Variants in SCN4A observed in about 807,000 individuals in gnomAD.
The protein encoded by SCN4A is sodium channel protein type 4 subunit alpha.
Under a neutral mutation model 162.0 loss-of-function variants are expected in SCN4A, and 83 were observed. The observed-to-expected ratio is 0.51, with a 90% CI of 0.43 to 0.61. The LOEUF is 0.61. Among genes scored for constraint, SCN4A ranks in the 20% least tolerant of loss-of-function variants. The pLI is 0.00. For synonymous variants in SCN4A, 944 were observed against 985.1 expected, an observed-to-expected ratio of 0.96 and a Z score of 0.78; for missense variants, 2,196 against 2,462.5, an observed-to-expected ratio of 0.89 and a Z score of 2.29.
Position 63,972,751 on chromosome 17 carries a change from G to T in SCN4A, c.91C>A (p.Arg31=). 1.2e-6 allele frequency: 2 copies of T among 1,613,700 alleles called. No individual in the cohort carries two copies. Among genetic ancestry groups the T allele is most frequent in the Non-Finnish European group, 1.7e-6 (2 of 1,179,800 alleles). The change falls in exon 1 of 24, where the codon CGG becomes AGG. Residue 31 remains arginine (R), a synonymous_variant. Coordinates refer to ENST00000435607, the MANE Select transcript of SCN4A (RefSeq NM_000334.4). This position sits in a 1 kb window ranked among gnomAD's most constrained non-coding sequence, Gnocchi z 4.3. Reference sequence around the variant, plus strand: ...AGCCGGGCCTCCTCCTCCACCGCCCGCTGTTCTATGGCTGCCAGTGACTCC... The same window carrying T: ...AGCCGGGCCTCCTCCTCCACCGCCCTCTGTTCTATGGCTGCCAGTGACTCC... ...TRESLAAIEQ[R]AVEEEARLQR... is the part of the protein sequence containing the mutation.
chr17:63,947,017 C>T (rs773542695), intron 18 of SCN4A, 28 bp downstream of exon 18: 2 of 1,541,698 alleles, frequency 1.3e-6, no homozygotes, highest in East Asian at 4.6e-5. Flanking sequence ...CATCCCCAGC[C>T]CACCCCAGAG....
Position 63,963,653 on chromosome 17 carries a change from G to A in SCN4A, c.1606+19C>T, listed in dbSNP as rs749007705. 22 of 1,543,770 alleles carry A rather than the reference G, an allele frequency of 1.4e-5. No individual in the cohort carries two copies. The highest frequency in any genetic ancestry group is 7.1e-5 in the East Asian group (3 of 42,462). ...GCTCCACCCCTACCTAAGTGGGCAC[G>A]GGGGCACAAGGCACTCACCTTCCAT... On this transcript the variant is annotated intron_variant, in intron 10 of 23. Transcript: ENST00000435607.
At chr17:63,955,230 T>C (rs1173333034) in intron 13 of SCN4A, among the ~76,000 whole-genome samples, 1 of 152,170 alleles carries the variant, frequency 6.6e-6, no homozygotes, top group African/African-American at 2.4e-5. Flanking sequence ...GAAATAACAT[T>C]ACCTGTCTCA....
chr17:63,968,119 C>G lies in SCN4A; in HGVS notation c.940G>C (p.Gly314Arg), dbSNP rs575390627. 1.2e-6 allele frequency: 2 copies of G among 1,613,716 alleles called. No individual in the cohort carries two copies. Among genetic ancestry groups the G allele is most frequent in the African/African-American group, 2.7e-5 (2 of 74,860 alleles). Reference sequence around the variant, plus strand: ...TCGTTGGCATACCATGAGTCATTGCCGTACCACATCTCATTGCCATACCAT... The same window carrying G: ...TCGTTGGCATACCATGAGTCATTGCGGTACCACATCTCATTGCCATACCAT... ...DTWYGNEMWY[G>R]NDSWYANDTW... Residue 314 changes from glycine (G) to arginine (R), a missense_variant, in exon 6 of 24, where the codon GGC becomes CGC. Coordinates refer to ENST00000435607, the MANE Select transcript of SCN4A (RefSeq NM_000334.4).
chr17:63,959,531 C>G, intron 11 of SCN4A, 93 bp from the exon 12 acceptor site: 1 of 1,233,290 alleles, frequency 8.1e-7, no homozygotes, highest in Non-Finnish European at 1.2e-6. Flanking sequence ...GCAGAGGCTG[C>G]GGGGGCGGAG....
chr17:63,962,416 G>T (rs977854459), intron 10 of SCN4A, among the ~76,000 whole-genome samples: 5 of 152,196 alleles, frequency 3.3e-5, no homozygotes, highest in Non-Finnish European at 7.4e-5. Context: ...TGTAAGGACC[G>T]TGGGACAAAG....
intron 10 of SCN4A, 103 bp downstream of exon 10, chr17:63,963,569 G>A: frequency 7.8e-7 from 1 of 1,289,150 alleles, no homozygotes; most frequent in Non-Finnish European, 1.0e-6. Flanking sequence ...ATGGGTAGAG[G>A]GGGCACAGGG....
chr17:63,959,476 G>A, intron 11 of SCN4A, 38 bp from the exon 12 acceptor site: 1 of 1,596,048 alleles, frequency 6.3e-7, no homozygotes, highest in Non-Finnish European at 8.5e-7. Flanking sequence ...AGAGCCTCGG[G>A]GAGCCCAGGG....
intron 10 of SCN4A, chr17:63,961,643 A>C: frequency 2.6e-6 from 1 of 380,252 alleles, no homozygotes; most frequent in Non-Finnish European, 5.0e-6. Context: ...CTTCACCCCA[A>C]AGCCCCGCGC....
chr17:63,948,070 G>A lies in SCN4A; in HGVS notation c.3145-7C>T, dbSNP rs766802658. The A allele has an allele frequency of 1.6e-5, 25 of 1,589,772 alleles. No homozygotes were observed. The South Asian group carries it at 2.3e-4, about 15-fold the overall frequency. On this transcript the variant is annotated splice_region_variant and splice_polypyrimidine_tract_variant and intron_variant, in intron 16 of 23. Coordinates refer to ENST00000435607, the MANE Select transcript of SCN4A (RefSeq NM_000334.4). ...TGTAGATGTCCTCGAAGGCCTGGGG[G>A]CACCAGCACCACCAGGGTGGCTGGG... is the stretch of plus-strand genomic sequence containing the variant.
At chr17:63,949,111 G>A (rs1487211012) in intron 15 of SCN4A, among the ~76,000 whole-genome samples, 1 of 152,158 alleles carries the variant, frequency 6.6e-6, no homozygotes, top group Non-Finnish European at 1.5e-5. Flanking sequence ...TTTCTCCAGT[G>A]CCATGTCCTG....
In SCN4A at chr17:63,962,205, A is replaced by C. The variant is rs1909287828; in HGVS notation, c.1607-774T>G. Among the ~76,000 whole-genome samples the C allele has an allele frequency of 2.6e-5, 4 of 152,138 alleles. No individual in the cohort carries two copies. In the South Asian group the frequency reaches 8.3e-4, roughly 32 times the overall value. On this transcript the variant is annotated intron_variant, in intron 10 of 23. Transcript: ENST00000435607. ...TGTCTGGGTCCGAGTTCCCAGGGAG[A>C]GGCGGGAGGCCACTGCAGGGGCTTG...
rs1332443652 is a variant in SCN4A, at chr17:63,945,088, C to T, written c.3721-28G>A. On this transcript the variant is annotated intron_variant, in intron 19 of 23. Transcript: ENST00000435607. The surrounding 1 kb of genome is among the most constrained non-coding windows in gnomAD (Gnocchi z 4.4). ...GAGAGAGTGTGGTTGGGGAGTGAGC[C>T]GGGGGGCTGCTCCCTGCTTTCATCA... is the stretch of plus-strand genomic sequence containing the variant. The T allele has an allele frequency of 6.0e-5, 96 of 1,605,464 alleles. No homozygotes were observed. Among genetic ancestry groups the T allele is most frequent in the Non-Finnish European group, 7.1e-5 (83 of 1,174,616 alleles).
chr17:63,942,464 G>A (rs1391783787), intron 23 of SCN4A, among the ~76,000 whole-genome samples: 3 of 152,178 alleles, frequency 2.0e-5, no homozygotes, highest in Non-Finnish European at 2.9e-5. Flanking sequence ...CCTGTCAAGC[G>A]CACAGCACAG....
chr17:63,949,975 C>G (rs745370612), intron 14 of SCN4A, among the ~76,000 whole-genome samples: 1 of 152,272 alleles, frequency 6.6e-6, no homozygotes, highest in African/African-American at 2.4e-5. Context: ...CCTTCCCACC[C>G]GCAGGGTCTG....
rs746724521 is a variant in SCN4A at position 63,971,856 on chromosome 17, G to C, written c.483-6C>G. ...AGATCCCTGTGAAGGTGTACCTGGG[G>C]GGGAGAGGGCCGGCCGGGACAGGCA... On this transcript the variant is annotated splice_polypyrimidine_tract_variant and splice_region_variant and intron_variant, in intron 3 of 23. Coordinates refer to ENST00000435607, the MANE Select transcript of SCN4A (RefSeq NM_000334.4). The C allele has an allele frequency of 4.6e-6, 7 of 1,526,944 alleles. No homozygotes were observed. In the African/African-American group the frequency reaches 7.8e-5, roughly 17 times the overall value. The allele number at this position is 1,526,944 out of a possible 1,614,324, so 94.6% of individuals were successfully genotyped here. A position where few individuals can be genotyped will look rare whatever the true frequency, so the allele number is the denominator to read the frequency against.
Position 63,948,666 on chromosome 17 carries a change from TG to T in SCN4A, c.3088del (p.His1030ThrfsTer11). The T allele has an allele frequency of 6.2e-7, 1 of 1,613,906 alleles. No individual in the cohort carries two copies. Among genetic ancestry groups the T allele is most frequent in the Non-Finnish European group, 8.5e-7 (1 of 1,179,876 alleles). ...GACAATGAAGGTCTCGAACCAGTTG[TG>T]CTCGACAATCTTGAAGCAGGCCCTG... is the stretch of plus-strand genomic sequence containing the variant. The part of the protein sequence containing the change: ...LRRACFKIVE[H>X]NWFETFIVFM... On this transcript the variant is annotated frameshift_variant, in exon 16 of 24. Coordinates refer to ENST00000435607, the MANE Select transcript of SCN4A (RefSeq NM_000334.4). LOFTEE classifies it high-confidence loss of function.
chr17:63,953,510 A>C (rs1908977759), intron 13 of SCN4A, among the ~76,000 whole-genome samples: 1 of 150,776 alleles, frequency 6.6e-6, no homozygotes, highest in African/African-American at 2.4e-5. Flanking sequence ...AACATGGTGA[A>C]ACCATGTACT....
chr17:63,946,476 C>CCG (rs1555601591), intron 18 of SCN4A, among the ~76,000 whole-genome samples: 15 of 128,266 alleles, frequency 1.2e-4, no homozygotes, highest in East Asian at 2.4e-4. Context: ...CCCCCCCCAC[C>CCG]CCGCCGCAAC....
Sources: allele counts gnomAD v4.1 joint callset (sites outside exome capture counted in the v4.1 genomes callset), GRCh38; gene constraint gnomAD v4.1.1; non-coding constraint Gnocchi (gnomAD v3.1); transcripts MANE v1.5; gene names NCBI Gene and HGNC (gene_info 2026-07-23, HGNC 2026-07-21).